The following ATP6V0A2 variants were observed in gnomAD, a reference collection of about 807,000 sequenced individuals.
ATP6V0A2 encodes the protein ATPase H+ transporting V0 subunit a2, also known as V-type proton ATPase 116 kDa subunit a 2.
ATP6V0A2 carries 58 observed loss-of-function variants against 104.4 expected under a neutral mutation model. The ratio of observed to expected loss-of-function variants is 0.56; its 90% CI spans 0.45 to 0.69. The LOEUF is 0.69. ATP6V0A2 is among the 30% of genes least tolerant of loss of function. The probability of loss-of-function intolerance (pLI) is 0.00; values close to 1 mark genes in which losing one functional copy is unlikely to be tolerated. For synonymous variants in ATP6V0A2, 376 were observed against 397.9 expected (o/e 0.95, Z 0.65); for missense variants, 938 against 1,062.9 (o/e 0.88, Z 1.63).
chr12:123,757,100 C>A, intron 19 of ATP6V0A2, 114 bp downstream of exon 19: 1 of 1,149,600 alleles, frequency 8.7e-7, no homozygotes, highest in Non-Finnish European at 1.3e-6. Flanking sequence ...GAATTTAGGC[C>A]AGTTCTTCCC....
At chr12:123,752,769 T>G (rs1956727664) in intron 17 of ATP6V0A2, among the ~76,000 whole-genome samples, 1 of 152,202 alleles carries the variant, frequency 6.6e-6, no homozygotes, top group South Asian at 2.1e-4. Flanking sequence ...CGAAGGGATT[T>G]TACTGGCTCA....
intron 6 of ATP6V0A2, among the ~76,000 whole-genome samples, chr12:123,729,002 A>AGTTCCATTACTGGTCGTGG (rs1566278604): frequency 1.3e-5 from 2 of 150,680 alleles, no homozygotes; most frequent in African/African-American, 4.9e-5. Flanking sequence ...TCACTTGATT[A>AGTTCCATTACTGGTCGTGG]AGGCACTTCT....
chr12:123,719,701 A>G (rs1253574744), intron 2 of ATP6V0A2, among the ~76,000 whole-genome samples: 1 of 151,502 alleles, frequency 6.6e-6, no homozygotes, highest in Non-Finnish European at 1.5e-5. Flanking sequence ...CCTCCCCCTG[A>G]GCCCCTTTAA....
intron 9 of ATP6V0A2, among the ~76,000 whole-genome samples, chr12:123,739,787 T>G (rs1339489418): frequency 6.6e-6 from 1 of 152,162 alleles, no homozygotes; most frequent in Non-Finnish European, 1.5e-5. Context: ...GCTCATTTTT[T>G]TCCCCCTTGA....
intron 6 of ATP6V0A2, among the ~76,000 whole-genome samples, chr12:123,729,313 A>AAGG (rs1956477780): frequency 1.8e-5 from 1 of 55,120 alleles, no homozygotes; most frequent in Non-Finnish European, 3.7e-5. Flanking sequence ...CTGTTTCTTC[A>AAGG]AGGAGGCTGT....
At chr12:123,740,994 C>T (rs1956604005) in intron 9 of ATP6V0A2, among the ~76,000 whole-genome samples, 3 of 151,668 alleles carry the variant, frequency 2.0e-5, no homozygotes, top group South Asian at 2.1e-4. Context: ...CAGTAAGTTA[C>T]AATGGTTTTA....
chr12:123,738,852 A>G (rs750009466), intron 9 of ATP6V0A2: 9 of 152,246 alleles, frequency 5.9e-5, no homozygotes, highest in South Asian at 2.1e-4. Context: ...GTCTCATTAC[A>G]TAATTCTGTG....
At chr12:123,721,769 A>G in intron 2 of ATP6V0A2, 1 of 155,622 alleles carries the variant, frequency 6.4e-6, no homozygotes, top group Non-Finnish European at 1.4e-5. Context: ...CCACAGCCTC[A>G]GGGCTGACTG....
intron 1 of ATP6V0A2, among the ~76,000 whole-genome samples, chr12:123,715,101 A>G (rs1309255424): frequency 2.0e-5 from 3 of 152,202 alleles, no homozygotes; most frequent in Non-Finnish European, 4.4e-5. Flanking sequence ...TAATATATGT[A>G]AGCTGGTGAT....
At chr12:123,751,862 C>CTTTTTTTTTTTTTTTTTTTTTTT (rs34862238) in intron 16 of ATP6V0A2, among the ~76,000 whole-genome samples, 1 of 123,456 alleles carries the variant, frequency 8.1e-6, no homozygotes, top group African/African-American at 3.0e-5. Flanking sequence ...TTCTTTCTTT[C>CTTTTTTTTTTTTTTTTTTTTTTT]TTTTTTTTTT....
intron 17 of ATP6V0A2, among the ~76,000 whole-genome samples, chr12:123,753,569 C>T (rs959968994): frequency 1.3e-5 from 2 of 152,240 alleles, no homozygotes; most frequent in African/African-American, 2.4e-5. Flanking sequence ...CCTCACTCAA[C>T]CTTGATTACC....
chr12:123,757,187 T>G (rs1469512539), intron 19 of ATP6V0A2, among the ~76,000 whole-genome samples: 2 of 152,200 alleles, frequency 1.3e-5, no homozygotes, highest in Non-Finnish European at 2.9e-5. Flanking sequence ...ATGCCGGTAA[T>G]CCTGGCACTT....
intron 8 of ATP6V0A2, 76 bp downstream of exon 8, chr12:123,735,700 T>A: frequency 8.5e-7 from 1 of 1,179,574 alleles, no homozygotes; most frequent in Non-Finnish European, 1.3e-6. Context: ...CTCTCTTTTT[T>A]AACATAGATA....
rs371549721 is a variant in ATP6V0A2 at position 123,757,999 on chromosome 12, A to T, written c.2538A>T (p.Ser846=). The T allele has an allele frequency of 2.5e-6, 4 of 1,612,594 alleles. No individual in the cohort carries two copies. The highest frequency in any genetic ancestry group is 3.4e-6 in the Non-Finnish European group (4 of 1,179,550). Residue 846 remains serine (S), a synonymous_variant, in exon 20 of 20, where the codon TCA becomes TCT. Coordinates refer to ENST00000330342, the MANE Select transcript of ATP6V0A2 (RefSeq NM_012463.4). ...TTCCTTTCTCATTCAGTCTACTTTC[A>T]TCAAAGTTCAATAACGACGACAGTG... ...KFVPFSFSLL[S]SKFNNDDSVA
chr12:123,723,045 C>T (rs1956415662), intron 3 of ATP6V0A2, among the ~76,000 whole-genome samples: 1 of 152,158 alleles, frequency 6.6e-6, no homozygotes, highest in Non-Finnish European at 1.5e-5. Context: ...TGAATTCGTT[C>T]CTCACCCTGT....
intron 1 of ATP6V0A2, among the ~76,000 whole-genome samples, chr12:123,718,177 G>A (rs577992852): frequency 6.9e-4 from 104 of 151,376 alleles, no homozygotes; most frequent in Non-Finnish European, 1.1e-3. Flanking sequence ...TGCAACCTCC[G>A]CCTCCTGGGT....
chr12:123,726,086 C>T, intron 4 of ATP6V0A2, 111 bp from the exon 5 acceptor site: 1 of 789,180 alleles, frequency 1.3e-6, no homozygotes, highest in African/African-American at 1.7e-5. Context: ...TCTTTGCACC[C>T]AGATCTAAGT....
At chr12:123,743,252 C>T (rs1238510632) in intron 9 of ATP6V0A2, among the ~76,000 whole-genome samples, 1 of 152,196 alleles carries the variant, frequency 6.6e-6, no homozygotes, top group African/African-American at 2.4e-5. Flanking sequence ...GCCCTTGCCA[C>T]CCCCTGATTC....
intron 2 of ATP6V0A2, among the ~76,000 whole-genome samples, chr12:123,719,579 G>T (rs1353108116): frequency 6.6e-6 from 1 of 151,902 alleles, no homozygotes; most frequent in African/African-American, 2.4e-5. Flanking sequence ...TAGAGATGGG[G>T]TTTTACCATG....
Sources: allele counts gnomAD v4.1 joint callset (sites outside exome capture counted in the v4.1 genomes callset), GRCh38; gene constraint gnomAD v4.1.1; transcripts MANE v1.5; gene names NCBI Gene and HGNC (gene_info 2026-07-23, HGNC 2026-07-21).